Variants in ZNF362 observed in about 807,000 individuals in gnomAD.
ZNF362 encodes zinc finger protein 362.
ZNF362 carries 11 observed loss-of-function variants against 42.9 expected under a neutral mutation model. The ratio of observed to expected loss-of-function variants is 0.26; its 90% CI spans 0.16 to 0.42. The LOEUF (loss-of-function observed/expected upper bound fraction) is 0.42. ZNF362 is among the 20% of genes least tolerant of loss of function. The pLI is 1.00. For synonymous variants in ZNF362, 255 were observed against 257.3 expected (o/e 0.99, Z 0.09); for missense variants, 362 against 576.2 (o/e 0.63, Z 3.81).
At chr1:33,222,504 A>G in the ZNF362 span, among the ~76,000 whole-genome samples, 1 of 152,182 alleles carries the variant, frequency 6.6e-6, no homozygotes, top group Non-Finnish European at 1.5e-5. Flanking sequence ...GATCTTTTAA[A>G]AACATGAATC....
At chr1:33,236,421 A>C in the ZNF362 span, among the ~76,000 whole-genome samples, 9 of 149,154 alleles carry the variant, frequency 6.0e-5, no homozygotes, top group Non-Finnish European at 1.2e-4. Flanking sequence ...GTGCACCTAC[A>C]GTCCTAGCTA....
chr1:33,270,658 G>A (rs74463978), intron 2 of ZNF362, 46 bp downstream of exon 2: 1 of 1,601,818 alleles, frequency 6.2e-7, no homozygotes, highest in Non-Finnish European at 8.5e-7. Flanking sequence ...ATGAGGGTTT[G>A]TTCTTTGGGG....
chr1:33,248,950 C>T, the ZNF362 span, among the ~76,000 whole-genome samples: 4 of 152,152 alleles, frequency 2.6e-5, no homozygotes, highest in Non-Finnish European at 5.9e-5. Flanking sequence ...TTGCTGAGCC[C>T]CCTCACCTTC....
the ZNF362 span, among the ~76,000 whole-genome samples, chr1:33,152,791 A>G: frequency 6.6e-6 from 1 of 152,098 alleles, no homozygotes. Context: ...TCTGGGTCAC[A>G]CAGCTAGGCA....
upstream of ZNF362, among the ~76,000 whole-genome samples, chr1:33,255,538 C>CGA (rs149073693): frequency 0.018 from 2,730 of 152,006 alleles, 75 homozygotes; most frequent in African/African-American, 0.06. Context: ...CTCGGGAGGC[C>CGA]GAATCAGGAG....
At chr1:33,279,974 A>C in intron 4 of ZNF362, 150 bp from the exon 5 acceptor site, 1 of 835,098 alleles carries the variant, frequency 1.2e-6, no homozygotes, top group Non-Finnish European at 1.7e-6. Flanking sequence ...GGCATCTTAC[A>C]CATGCACAAG....
At chr1:33,144,134 TC>T in the ZNF362 span, among the ~76,000 whole-genome samples, 7 of 27,654 alleles carry the variant, frequency 2.5e-4, no homozygotes, top group South Asian at 1.3e-3. Flanking sequence ...TAATGTTACT[TC>T]TTTTTTTTTT....
chr1:33,257,564 G>C (rs1645802615), intron 1 of ZNF362, among the ~76,000 whole-genome samples: 2 of 152,016 alleles, frequency 1.3e-5, no homozygotes, highest in Non-Finnish European at 2.9e-5. Flanking sequence ...GATGGGGGTG[G>C]GGGGGCGGAT....
At chr1:33,143,506 GA>G in the ZNF362 span, among the ~76,000 whole-genome samples, 6 of 152,144 alleles carry the variant, frequency 3.9e-5, no homozygotes, top group African/African-American at 1.4e-4. Flanking sequence ...ACTTCCCTGT[GA>G]ACTGGGCTGC....
At chr1:33,210,378 G>A in the ZNF362 span, among the ~76,000 whole-genome samples, 9 of 152,158 alleles carry the variant, frequency 5.9e-5, no homozygotes, top group Non-Finnish European at 8.8e-5. Context: ...GTGCAATGTG[G>A]TGCTGAGAAG....
the ZNF362 span, among the ~76,000 whole-genome samples, chr1:33,197,533 G>A: frequency 6.6e-6 from 1 of 152,186 alleles, no homozygotes; most frequent in Non-Finnish European, 1.5e-5. Flanking sequence ...AACTATATAT[G>A]AAACGATGGT....
intron 1 of ZNF362, among the ~76,000 whole-genome samples, chr1:33,258,607 TG>T (rs1645809520): frequency 6.6e-6 from 1 of 152,006 alleles, no homozygotes; most frequent in African/African-American, 2.4e-5. Context: ...GGGACCTGGG[TG>T]TTCAGGCTTC....
upstream of ZNF362, among the ~76,000 whole-genome samples, chr1:33,251,707 C>T (rs1008691195): frequency 5.3e-5 from 8 of 152,226 alleles, no homozygotes; most frequent in Non-Finnish European, 8.8e-5. Context: ...CCTCCCTGCC[C>T]CAGAACCTTC....
At chr1:33,239,288 G>A in the ZNF362 span, among the ~76,000 whole-genome samples, 1 of 152,288 alleles carries the variant, frequency 6.6e-6, no homozygotes, top group African/African-American at 2.4e-5. Context: ...GACCCCAAAC[G>A]TGGGCCCTAA....
At chr1:33,175,133 G>A in the ZNF362 span, among the ~76,000 whole-genome samples, 5 of 151,654 alleles carry the variant, frequency 3.3e-5, no homozygotes, top group South Asian at 8.3e-4. Flanking sequence ...TCTGCCTCCC[G>A]GTTCAAGCGA....
At chr1:33,159,923 T>C in the ZNF362 span, 8 of 1,605,842 alleles carry the variant, frequency 5.0e-6, no homozygotes, top group African/African-American at 1.3e-5. The surrounding 1 kb of genome is among the most constrained non-coding windows in gnomAD (Gnocchi z 4.2). Context: ...CCGATAGTGG[T>C]CCGCAGGCTC....
chr1:33,184,928 A>G, the ZNF362 span, among the ~76,000 whole-genome samples: 1 of 151,618 alleles, frequency 6.6e-6, no homozygotes, highest in Non-Finnish European at 1.5e-5. Flanking sequence ...CTACAGGCGC[A>G]TACCACCATG....
chr1:33,213,876 ACAAAAAAAAC>A, the ZNF362 span, among the ~76,000 whole-genome samples: 1 of 151,732 alleles, frequency 6.6e-6, no homozygotes, highest in African/African-American at 2.4e-5. Context: ...ACAAAACAAA[ACAAAAAAAAC>A]AAAACAACAA....
the ZNF362 span, among the ~76,000 whole-genome samples, chr1:33,155,660 C>A: frequency 2.0e-5 from 3 of 152,136 alleles, no homozygotes; most frequent in Non-Finnish European, 4.4e-5. Context: ...CAGCTCTGTG[C>A]CTCCGTTACT....
Sources: gnomAD v4.1 joint callset for allele counts (sites outside exome capture counted in the v4.1 genomes callset) on GRCh38, gnomAD v4.1.1 for gene constraint, Gnocchi (gnomAD v3.1) non-coding constraint, MANE v1.5 for transcripts, NCBI Gene and HGNC (gene_info 2026-07-23, HGNC 2026-07-21) for gene names.